HSD17B2: variants seen among roughly 807,000 people sequenced by gnomAD.
HSD17B2 encodes 17-beta-hydroxysteroid dehydrogenase type 2.
HSD17B2 carries 32 observed loss-of-function variants against 26.9 expected under a neutral mutation model. The observed-to-expected ratio is 1.19, with a 90% CI of 0.90 to 1.60. The LOEUF is 1.60. Ranked by LOEUF, HSD17B2 falls within the 40% of genes most tolerant of loss-of-function variation. The probability of loss-of-function intolerance (pLI) is 0.00; values close to 1 mark genes in which losing one functional copy is unlikely to be tolerated. For synonymous variants in HSD17B2, 246 were observed against 186.7 expected (o/e 1.32, Z -2.59); for missense variants, 613 against 468.6 (o/e 1.31, Z -2.85).
chr16:82,044,733 C>T (rs1459763945), intron 1 of HSD17B2: 2 of 152,298 alleles, frequency 1.3e-5, no homozygotes, highest in African/African-American at 4.8e-5. Context: ...CCAGAGGGGC[C>T]AGGAACGTCA....
At chr16:82,048,363 G>A (rs1048959150) in intron 1 of HSD17B2, among the ~76,000 whole-genome samples, 6 of 152,154 alleles carry the variant, frequency 3.9e-5, no homozygotes, top group Non-Finnish European at 7.3e-5. Flanking sequence ...TGCTTTCACT[G>A]CCTTGGGGAT....
intron 3 of HSD17B2, among the ~76,000 whole-genome samples, chr16:82,089,243 G>T (rs1159516479): frequency 6.6e-6 from 1 of 152,108 alleles, no homozygotes; most frequent in Non-Finnish European, 1.5e-5. Flanking sequence ...TTTGTGTTTG[G>T]CTCTCTCACT....
At chr16:82,042,373 G>A (rs1416087426) in intron 1 of HSD17B2, among the ~76,000 whole-genome samples, 3 of 152,104 alleles carry the variant, frequency 2.0e-5, no homozygotes, top group Non-Finnish European at 2.9e-5. Flanking sequence ...GATGACAGGC[G>A]TGAGCCAGAA....
At chr16:82,067,946 C>T (rs1597130738) in intron 1 of HSD17B2, among the ~76,000 whole-genome samples, 1 of 152,186 alleles carries the variant, frequency 6.6e-6, no homozygotes, top group Admixed American at 6.5e-5. Flanking sequence ...CCACTCACAA[C>T]CCCTAATTCT....
At chr16:82,043,855 A>T (rs987149450) in intron 1 of HSD17B2, among the ~76,000 whole-genome samples, 1 of 152,136 alleles carries the variant, frequency 6.6e-6, no homozygotes, top group African/African-American at 2.4e-5. Context: ...AAGTTATTTC[A>T]TTTTTATACA....
rs1379394317 is a variant in HSD17B2, at chr16:82,090,890, T to C, written c.665-12T>C. 21 of 1,598,146 alleles carry C rather than the reference T, an allele frequency of 1.3e-5. No homozygotes were observed. The highest frequency in any genetic ancestry group is 1.8e-5 in the Non-Finnish European group (21 of 1,173,904). On this transcript the variant is annotated splice_polypyrimidine_tract_variant and intron_variant, in intron 3 of 4. Coordinates refer to ENST00000199936, the MANE Select transcript of HSD17B2 (RefSeq NM_002153.3). ...TCTAACTTTGCTTCTTTTTCTCCCA[T>C]TATTCCCATAGGAGGGGCCCCAATG...
At chr16:82,046,750 C>G (rs1365004621) in intron 1 of HSD17B2, among the ~76,000 whole-genome samples, 2 of 151,992 alleles carry the variant, frequency 1.3e-5, no homozygotes, top group Non-Finnish European at 2.9e-5. Flanking sequence ...ACTCAATACC[C>G]CTATTCTAGA....
Position 82,035,613 on chromosome 16 carries a change from G to T in HSD17B2, c.189G>T (p.Val63=). The change falls in exon 1 of 5, where the codon GTG becomes GTT. Residue 63 remains valine, a synonymous_variant. Coordinates refer to ENST00000199936, the MANE Select transcript of HSD17B2 (RefSeq NM_002153.3). ...TTTGGGGCTTGATCCTCTTCTCGGT[G>T]TCATGCTTCCTCATGTATACTTACT... The part of the protein sequence containing the change: ...SPFWGLILFS[V]SCFLMYTYLS... 1 of 1,613,880 alleles carries T rather than the reference G, an allele frequency of 6.2e-7. No individual in the cohort carries two copies. The highest frequency in any genetic ancestry group is 8.5e-7 in the Non-Finnish European group (1 of 1,180,032).
chr16:82,094,543 C>G (rs1383818224), intron 4 of HSD17B2: 1 of 152,126 alleles, frequency 6.6e-6, no homozygotes. Context: ...TGGGTTCTTC[C>G]TTTTATATCA....
chr16:82,053,241 G>C (rs1233739546), intron 1 of HSD17B2, among the ~76,000 whole-genome samples: 1 of 152,102 alleles, frequency 6.6e-6, no homozygotes, highest in Non-Finnish European at 1.5e-5. Context: ...GTACATCAGG[G>C]AATTGGTGAT....
rs561223779 is a variant in HSD17B2 at position 82,042,522 on chromosome 16, T to C, written c.265+6833T>C. ...TATTGCCACTTTGCCATTTTTGTGG[T>C]ATTTAAGAGGAAATAGAAAATTGTG... is the stretch of plus-strand genomic sequence containing the variant. On this transcript the variant is annotated intron_variant, in intron 1 of 4. Coordinates refer to ENST00000199936, the MANE Select transcript of HSD17B2 (RefSeq NM_002153.3). Among the ~76,000 whole-genome samples, 31 of 152,378 alleles carry C rather than the reference T, an allele frequency of 2.0e-4. 1 individual carries two copies. The South Asian group carries it at 5.6e-3, about 27-fold the overall frequency.
chr16:82,078,685 G>C (rs1010910531), intron 3 of HSD17B2, among the ~76,000 whole-genome samples: 1 of 152,180 alleles, frequency 6.6e-6, no homozygotes, highest in African/African-American at 2.4e-5. Context: ...GTACTATTCA[G>C]CCATGTAAAA....
Position 82,068,294 on chromosome 16 carries a change from G to A in HSD17B2, c.390G>A (p.Pro130=), listed in dbSNP as rs34731990. Reference sequence around the variant, plus strand: ...AGGAATTGCGAAGAACCTGCTCTCCGCGCCTCTCGGTGCTCCAAATGGACA... The same window carrying A: ...AGGAATTGCGAAGAACCTGCTCTCCACGCCTCTCGGTGCTCCAAATGGACA... ...GAEELRRTCS[P]RLSVLQMDIT... is the part of the protein sequence containing the mutation. Residue 130 remains proline, a synonymous_variant, in exon 2 of 5, where the codon CCG becomes CCA. Transcript: ENST00000199936. The A allele has an allele frequency of 1.6e-3, 2,607 of 1,614,066 alleles. 9 individuals carry two copies. Among genetic ancestry groups the A allele is most frequent in the South Asian group, 3.2e-3 (290 of 91,058 alleles).
chr16:82,081,769 CTTTTA>C (rs1904387503), intron 3 of HSD17B2, among the ~76,000 whole-genome samples: 1 of 152,118 alleles, frequency 6.6e-6, no homozygotes, highest in Non-Finnish European at 1.5e-5. Context: ...TTAATTTTAG[CTTTTA>C]TTTTAAGTTC....
At chr16:82,050,973 C>G (rs1323233508) in intron 1 of HSD17B2, among the ~76,000 whole-genome samples, 1 of 152,174 alleles carries the variant, frequency 6.6e-6, no homozygotes, top group Non-Finnish European at 1.5e-5. Flanking sequence ...TGTCTCTAGA[C>G]AATGCCAAAT....
At chr16:82,081,552 A>T (rs1374994366) in intron 3 of HSD17B2, among the ~76,000 whole-genome samples, 1 of 152,100 alleles carries the variant, frequency 6.6e-6, no homozygotes, top group Non-Finnish European at 1.5e-5. Flanking sequence ...TCTAAGCTCC[A>T]CTTTTGTCCC....
intron 1 of HSD17B2, among the ~76,000 whole-genome samples, chr16:82,056,710 G>A (rs1245517115): frequency 4.6e-5 from 7 of 152,168 alleles, no homozygotes; most frequent in Non-Finnish European, 1.5e-5. Context: ...TATTCACAAC[G>A]ATAGGTGAAA....
intron 3 of HSD17B2, among the ~76,000 whole-genome samples, chr16:82,075,841 G>C (rs1040849897): frequency 2.6e-5 from 4 of 151,242 alleles, no homozygotes; most frequent in African/African-American, 9.7e-5. Flanking sequence ...TAATGGTGGA[G>C]GGAATACTTC....
intron 1 of HSD17B2, among the ~76,000 whole-genome samples, chr16:82,058,835 C>T (rs1284439957): frequency 6.6e-6 from 1 of 152,048 alleles, no homozygotes; most frequent in Non-Finnish European, 1.5e-5. Flanking sequence ...GGACAGATGG[C>T]GGGGCTCAGG....
Sources: allele counts gnomAD v4.1 joint callset (sites outside exome capture counted in the v4.1 genomes callset), GRCh38; gene constraint gnomAD v4.1.1; transcripts MANE v1.5; gene names NCBI Gene and HGNC (gene_info 2026-07-23, HGNC 2026-07-21).